The following BROX variants were observed in gnomAD, a reference collection of about 807,000 sequenced individuals.
BROX encodes BRO1 domain and CAAX motif containing, also known as BRO1 domain-containing protein BROX.
Under a neutral mutation model 61.0 loss-of-function variants are expected in BROX, and 53 were observed. That is an observed-to-expected ratio of 0.87 (90% CI 0.70 to 1.09). The LOEUF (loss-of-function observed/expected upper bound fraction) is 1.09. Ranked by LOEUF, BROX falls within the 50% of genes least tolerant of loss-of-function variation. The pLI is 0.00. For missense variants in BROX, 489 were observed against 472.0 expected, an observed-to-expected ratio of 1.04 and a Z score of -0.33; for synonymous variants, 152 against 160.2, an observed-to-expected ratio of 0.95 and a Z score of 0.38.
At position 222,712,763 on chromosome 1, in the gene BROX, C is replaced by T. The variant is rs1374815789; in HGVS notation, c.-196C>T. On this transcript the variant is annotated 5_prime_UTR_variant, in exon 1 of 13. Coordinates refer to ENST00000340934, the MANE Select transcript of BROX (RefSeq NM_144695.4). ...ACCCGCCCCTGAGCTGCGCGCACTA[C>T]CGCCTCGGTAGCTATCATGGCCGCC... 10 of 1,289,806 alleles carry T rather than the reference C, an allele frequency of 7.8e-6. No individual in the cohort carries two copies. The highest frequency in any genetic ancestry group is 6.9e-5 in the Admixed American group (3 of 43,578). The allele number at this position is 1,289,806 out of a possible 1,614,324, so 79.9% of individuals were successfully genotyped here. A position where few individuals can be genotyped will look rare whatever the true frequency, so the allele number is the denominator to read the frequency against.
chr1:222,712,754 C>G lies in BROX; in HGVS notation c.-205C>G. On this transcript the variant is annotated 5_prime_UTR_variant, in exon 1 of 13. Coordinates refer to ENST00000340934, the MANE Select transcript of BROX (RefSeq NM_144695.4). ...CGCGGCAATACCCGCCCCTGAGCTG[C>G]GCGCACTACCGCCTCGGTAGCTATC... 7.8e-7 allele frequency: 1 copy of G among 1,289,890 alleles called. No individual in the cohort carries two copies. The highest frequency in any genetic ancestry group is 1.0e-6 in the Non-Finnish European group (1 of 989,204). 79.9% of individuals were successfully genotyped at this position (1,289,890 alleles called of 1,614,324 possible). A position where few individuals can be genotyped will look rare whatever the true frequency, so the allele number is the denominator to read the frequency against.
chr1:222,730,224 A>G (rs1657836436), intron 11 of BROX, 47 bp downstream of exon 11: 11 of 1,221,760 alleles, frequency 9.0e-6, no homozygotes, highest in African/African-American at 1.6e-5. Context: ...ATGTTGATTT[A>G]TGATTATATT....
rs17532981 is a variant in BROX at position 222,734,562 on chromosome 1, C to T, written c.*1848C>T. Reference sequence around the variant, plus strand: ...ATATTGATATTGGAAGCTGCAGTTTCCAGAATAAGTGGAGTAATAACTAAA... The same window carrying T: ...ATATTGATATTGGAAGCTGCAGTTTTCAGAATAAGTGGAGTAATAACTAAA... On this transcript the variant is annotated 3_prime_UTR_variant, in exon 13 of 13. Coordinates refer to ENST00000340934, the MANE Select transcript of BROX (RefSeq NM_144695.4). The T allele has an allele frequency of 6.6e-6, 1 of 152,074 alleles. No individual in the cohort carries two copies. The highest frequency in any genetic ancestry group is 2.4e-5 in the African/African-American group (1 of 41,488). The allele number at this position is 152,074 out of a possible 1,614,324, so 9.4% of individuals were successfully genotyped here.
At position 222,732,852 on chromosome 1, in the gene BROX, T is replaced by G; in HGVS notation, c.*138T>G. Reference sequence around the variant, plus strand: ...AGAGGGTTATCTGCCTTCAGCTTACTTGTTCTTAATTTTTAATACAGCGGA... The same window carrying G: ...AGAGGGTTATCTGCCTTCAGCTTACGTGTTCTTAATTTTTAATACAGCGGA... On this transcript the variant is annotated 3_prime_UTR_variant, in exon 13 of 13. Coordinates refer to ENST00000340934, the MANE Select transcript of BROX (RefSeq NM_144695.4). 1 of 659,716 alleles carries G rather than the reference T, an allele frequency of 1.5e-6. No individual in the cohort carries two copies. 40.9% of individuals were successfully genotyped at this position (659,716 alleles called of 1,614,324 possible). A position where few individuals can be genotyped will look rare whatever the true frequency, so the allele number is the denominator to read the frequency against.
chr1:222,725,555 G>T lies in BROX; in HGVS notation c.580G>T (p.Val194Leu), dbSNP rs746298817. ...VIQCQAEAQE[V>L]TIARAIELKH... ...TCAATGTCAGGCTGAAGCTCAAGAA[G>T]GTATCCTAAATATTGTAAGATTTTT... The change falls in exon 7 of 13, where the codon GTA becomes TTA. Residue 194 changes from valine to leucine, a missense_variant and splice_region_variant. Coordinates refer to ENST00000340934, the MANE Select transcript of BROX (RefSeq NM_144695.4). The T allele has an allele frequency of 1.8e-5, 28 of 1,589,180 alleles. No individual in the cohort carries two copies. Among genetic ancestry groups the T allele is most frequent in the Non-Finnish European group, 2.2e-5 (26 of 1,165,762 alleles).
chr1:222,724,605 G>A lies in BROX; in HGVS notation c.474+441G>A, dbSNP rs1657362467. ...CAGTGCACTCTAATTGTATTAAATT[G>A]CCAGGAGATGTGATGGGAATTAGGA... On this transcript the variant is annotated intron_variant, in intron 6 of 12. Transcript: ENST00000340934. 2.0e-5 allele frequency among the ~76,000 whole-genome samples: 3 copies of A among 152,120 alleles called. No homozygotes were observed. The South Asian group carries it at 6.2e-4, about 31-fold the overall frequency.
chr1:222,719,070 T>C (rs758120296), intron 3 of BROX, 39 bp downstream of exon 3: 9 of 1,522,426 alleles, frequency 5.9e-6, no homozygotes, highest in Admixed American at 1.8e-5. Flanking sequence ...TTTAAAAAAC[T>C]GTCTAAAAGT....
At chr1:222,727,073 G>T in intron 7 of BROX, 95 bp from the exon 8 acceptor site, 1 of 872,780 alleles carries the variant, frequency 1.1e-6, no homozygotes, top group South Asian at 1.6e-5. Context: ...TAAAATCCCA[G>T]AGAGATTATC....
At chr1:222,730,398 C>T (rs919416651) in intron 11 of BROX, among the ~76,000 whole-genome samples, 1 of 152,014 alleles carries the variant, frequency 6.6e-6, no homozygotes, top group Admixed American at 6.6e-5. Flanking sequence ...GAGTTTGAGA[C>T]CAGCCTGGGC....
At chr1:222,717,242 G>C (rs1322296176) in intron 2 of BROX, among the ~76,000 whole-genome samples, 2 of 152,234 alleles carry the variant, frequency 1.3e-5, no homozygotes, top group Non-Finnish European at 2.9e-5. Flanking sequence ...ATAAGCTGCG[G>C]GGTATACAAA....
At chr1:222,732,482 G>T in intron 12 of BROX, 146 bp from the exon 13 acceptor site, 1 of 622,714 alleles carries the variant, frequency 1.6e-6, no homozygotes, top group Non-Finnish European at 2.8e-6. Context: ...AAATGAATTG[G>T]TCTGTAGTTT....
intron 2 of BROX, among the ~76,000 whole-genome samples, chr1:222,718,494 A>T (rs1656806560): frequency 6.6e-6 from 1 of 152,182 alleles, no homozygotes; most frequent in African/African-American, 2.4e-5. Flanking sequence ...TATTAAAATG[A>T]TACACAGATA....
chr1:222,733,439 T>G lies in BROX; in HGVS notation c.*725T>G, dbSNP rs1383817406. On this transcript the variant is annotated 3_prime_UTR_variant, in exon 13 of 13. Transcript: ENST00000340934. Reference sequence around the variant, plus strand: ...TTATTTTCCTTCCTCTTATTTGATATCAGAAGAATGACAGGAATCAGTTTT... The same window carrying G: ...TTATTTTCCTTCCTCTTATTTGATAGCAGAAGAATGACAGGAATCAGTTTT... 1 of 152,180 alleles carries G rather than the reference T, an allele frequency of 6.6e-6. No homozygotes were observed. Among genetic ancestry groups the G allele is most frequent in the Admixed American group, 6.6e-5 (1 of 15,266 alleles). 9.4% of individuals were successfully genotyped at this position (152,180 alleles called of 1,614,324 possible). A position where few individuals can be genotyped will look rare whatever the true frequency, so the allele number is the denominator to read the frequency against.
At chr1:222,729,981 C>T (rs1483272420) in intron 10 of BROX, 46 bp from the exon 11 acceptor site, 1 of 1,548,540 alleles carries the variant, frequency 6.5e-7, no homozygotes, top group Non-Finnish European at 8.7e-7. Flanking sequence ...GATAAATAGG[C>T]AGTGTTAATT....
At chr1:222,722,031 TA>T (rs1383146066) in intron 4 of BROX, among the ~76,000 whole-genome samples, 10 of 152,188 alleles carry the variant, frequency 6.6e-5, no homozygotes, top group Non-Finnish European at 1.2e-4. Flanking sequence ...TTGATTTTTC[TA>T]AAATGTTGTA....
chr1:222,725,593 C>G (rs780860843), intron 7 of BROX, 38 bp downstream of exon 7: 1 of 1,472,066 alleles, frequency 6.8e-7, no homozygotes. Flanking sequence ...AAATGAAAGT[C>G]TATATTGTCA....
chr1:222,724,225 T>C, intron 6 of BROX, 61 bp downstream of exon 6: 1 of 1,390,426 alleles, frequency 7.2e-7, no homozygotes, highest in East Asian at 2.3e-5. Context: ...GAATAATTTT[T>C]CTTTTGGGAG....
At position 222,714,668 on chromosome 1, in the gene BROX, C is replaced by T. The variant is rs567730751; in HGVS notation, c.-16-1016C>T. ...GCCATGGGGAGATCAGGGCTCACTG[C>T]AGCCTACGTCTCCTGGACTCAGGGG... On this transcript the variant is annotated intron_variant, in intron 1 of 12. Transcript: ENST00000340934. Among the ~76,000 whole-genome samples, 10 of 151,854 alleles carry T rather than the reference C, an allele frequency of 6.6e-5. No individual in the cohort carries two copies. In the South Asian group the frequency reaches 2.1e-3, roughly 32 times the overall value.
intron 1 of BROX, chr1:222,713,276 G>A: frequency 1.0e-6 from 1 of 986,056 alleles, no homozygotes; most frequent in Non-Finnish European, 1.2e-6. Flanking sequence ...CCACAAAAAT[G>A]CCTGTTTGGA....
Sources: allele counts gnomAD v4.1 joint callset (sites outside exome capture counted in the v4.1 genomes callset), GRCh38; gene constraint gnomAD v4.1.1; transcripts MANE v1.5; gene names NCBI Gene and HGNC (gene_info 2026-07-23, HGNC 2026-07-21).